Variants in ZFP90 observed in about 807,000 individuals in gnomAD.
The protein encoded by ZFP90 is ZFP90 zinc finger protein.
Under a neutral mutation model 60.8 loss-of-function variants are expected in ZFP90, and 38 were observed. The observed-to-expected ratio is 0.62, with a 90% CI of 0.48 to 0.82. The LOEUF is 0.82. Ranked by LOEUF, ZFP90 falls within the 40% of genes least tolerant of loss-of-function variation. The pLI is 0.00. For missense variants in ZFP90, 711 were observed against 759.1 expected (o/e 0.94, Z 0.74); for synonymous variants, 287 against 264.8 (o/e 1.08, Z -0.82).
At chr16:68,543,381 C>G (rs1421995318) in intron 2 of ZFP90, among the ~76,000 whole-genome samples, 3 of 152,136 alleles carry the variant, frequency 2.0e-5, no homozygotes, top group African/African-American at 7.2e-5. Context: ...TGAGTGGGAC[C>G]TTTCCCCTGA....
chr16:68,561,712 A>T (rs1045892819), intron 4 of ZFP90, among the ~76,000 whole-genome samples: 1 of 152,226 alleles, frequency 6.6e-6, no homozygotes, highest in African/African-American at 2.4e-5. Context: ...GTTAGCAAGA[A>T]AACTTTTCTC....
intron 2 of ZFP90, among the ~76,000 whole-genome samples, chr16:68,540,731 G>A (rs2091028365): frequency 6.7e-6 from 1 of 149,886 alleles, no homozygotes; most frequent in African/African-American, 2.5e-5. Context: ...CAGCACTTTG[G>A]GAAGCTGAGG....
Position 68,566,421 on chromosome 16 carries a change from T to C in ZFP90, c.*1723T>C. The C allele has an allele frequency of 1.0e-6, 1 of 985,592 alleles. No individual in the cohort carries two copies. The highest frequency in any genetic ancestry group is 1.2e-6 in the Non-Finnish European group (1 of 829,930). The allele number at this position is 985,592 out of a possible 1,614,324, so 61.1% of individuals were successfully genotyped here. A position where few individuals can be genotyped will look rare whatever the true frequency, so the allele number is the denominator to read the frequency against. On this transcript the variant is annotated 3_prime_UTR_variant, in exon 5 of 5. Coordinates refer to ENST00000563169, the MANE Select transcript of ZFP90 (RefSeq NM_001305203.2). ...TGGTGAACCTTTCCTACTGGATTCTTTGCATGCCACATAGCAGGATTCATT... is the reference window on the plus strand; with the variant it reads ...TGGTGAACCTTTCCTACTGGATTCTCTGCATGCCACATAGCAGGATTCATT...
Position 68,573,554 on chromosome 16 carries a change from G to A in ZFP90, c.224-2237G>A, listed in dbSNP as rs77038292. ...TGAAAGTAAGCAGAAAATTGTATTTGCTCAGGTTAAGGGATCCTAACATGG... is the reference window on the plus strand; with the variant it reads ...TGAAAGTAAGCAGAAAATTGTATTTACTCAGGTTAAGGGATCCTAACATGG... On this transcript the variant is annotated intron_variant, in intron 2 of 2. Transcript: ENST00000573113. Among the ~76,000 whole-genome samples the A allele has an allele frequency of 5.1e-3, 771 of 152,332 alleles. 4 individuals carry two copies. Among genetic ancestry groups the A allele is most frequent in the African/African-American group, 0.018 (730 of 41,570 alleles).
downstream of ZFP90, among the ~76,000 whole-genome samples, chr16:68,568,598 G>A (rs1331799114): frequency 6.6e-6 from 1 of 152,192 alleles, no homozygotes; most frequent in African/African-American, 2.4e-5. Context: ...CACACACAAA[G>A]ATGTTTATTG....
At chr16:68,535,763 T>G (rs1025433030), upstream of ZFP90, 2 of 152,156 alleles carry the variant, frequency 1.3e-5, no homozygotes, top group African/African-American at 4.8e-5. Context: ...TCTCTAAGTT[T>G]ATTCATTTTG....
chr16:68,534,233 C>CT lies in ZFP90; in HGVS notation c.-36+391dup, dbSNP rs869142804. Among the ~76,000 whole-genome samples, 74 of 141,494 alleles carry CT rather than the reference C, an allele frequency of 5.2e-4. 1 individual carries two copies. The highest frequency in any genetic ancestry group is 1.2e-3 in the East Asian group (6 of 4,872). The allele number at this position is 141,494 out of a possible 152,430, so 92.8% of individuals were successfully genotyped here. On this transcript the variant is annotated intron_variant, in intron 2 of 3. Coordinates refer to the ZFP90 transcript ENST00000569109. Reference sequence around the variant, plus strand: ...TTTAACTTAAAGATTTTCTTTCTTTCTTTTTTTTTTTTTGAGACAGCGTCT... The same window carrying CT: ...TTTAACTTAAAGATTTTCTTTCTTTCTTTTTTTTTTTTTTGAGACAGCGTCT...
intron 2 of ZFP90, among the ~76,000 whole-genome samples, chr16:68,575,294 T>G (rs2091588307): frequency 6.6e-6 from 1 of 152,186 alleles, no homozygotes; most frequent in Admixed American, 6.5e-5. Context: ...GTGTCACAGT[T>G]CATACCCGCA....
At chr16:68,546,544 T>A (rs892538001) in intron 2 of ZFP90, among the ~76,000 whole-genome samples, 1 of 152,262 alleles carries the variant, frequency 6.6e-6, no homozygotes, top group Non-Finnish European at 1.5e-5. Context: ...TAAGACGGAT[T>A]CTTGCTCTGT....
At position 68,563,930 on chromosome 16, in the gene ZFP90, T is replaced by G; in HGVS notation, c.1143T>G (p.Leu381=). ...CGKAFSRCSS[L]VQHERTHTGE... is the part of the protein sequence containing the mutation. ...AAGCCTTTAGTCGATGTTCTTCCCT[T>G]GTCCAACATGAGAGGACTCATACTG... The change falls in exon 5 of 5, where the codon CTT becomes CTG. Residue 381 remains leucine, a synonymous_variant. Coordinates refer to ENST00000563169, the MANE Select transcript of ZFP90 (RefSeq NM_001305203.2). The G allele has an allele frequency of 6.2e-7, 1 of 1,614,082 alleles. No individual in the cohort carries two copies. The highest frequency in any genetic ancestry group is 8.5e-7 in the Non-Finnish European group (1 of 1,179,992).
At chr16:68,556,964 A>T (rs558581355) in intron 2 of ZFP90, among the ~76,000 whole-genome samples, 2 of 152,314 alleles carry the variant, frequency 1.3e-5, no homozygotes, top group South Asian at 4.1e-4. Flanking sequence ...AGCATGCGAC[A>T]GCCTGGTGAG....
chr16:68,566,491 C>T lies in ZFP90; in HGVS notation c.*1793C>T, dbSNP rs977209273. ...TGGCATGCAGCAGCACCCAAGTATT[C>T]TTCATTCTTTGCAGGGAAAAAATTG... On this transcript the variant is annotated 3_prime_UTR_variant, in exon 5 of 5. Transcript: ENST00000563169. 1.6e-5 allele frequency: 16 copies of T among 985,418 alleles called. No individual in the cohort carries two copies. The highest frequency in any genetic ancestry group is 1.9e-5 in the Non-Finnish European group (16 of 829,940). The allele number at this position is 985,418 out of a possible 1,614,324, so 61.0% of individuals were successfully genotyped here.
chr16:68,574,570 G>A (rs1417063934), intron 2 of ZFP90, among the ~76,000 whole-genome samples: 1 of 152,094 alleles, frequency 6.6e-6, no homozygotes, highest in Non-Finnish European at 1.5e-5. Context: ...GGAGAAGCAA[G>A]AAACAATTCC....
rs77688442 is a variant in ZFP90, at chr16:68,547,836, C to CTCT, written c.33+8012_33+8013insCTT. ...GTTTTTCAAAATACAGTTGATCTCT[C>CTCT]TTTTTTTTTTTTTTTTGAGACAGAG... On this transcript the variant is annotated intron_variant, in intron 2 of 4. Transcript: ENST00000563169. 3.2e-3 allele frequency among the ~76,000 whole-genome samples: 435 copies of CTCT among 135,966 alleles called. 11 individuals carry two copies. Among genetic ancestry groups the CTCT allele is most frequent in the East Asian group, 8.4e-3 (40 of 4,744 alleles). The allele number at this position is 135,966 out of a possible 152,430, so 89.2% of individuals were successfully genotyped here. A position where few individuals can be genotyped will look rare whatever the true frequency, so the allele number is the denominator to read the frequency against.
chr16:68,574,079 C>T (rs2091581110), intron 2 of ZFP90: 1 of 152,046 alleles, frequency 6.6e-6, no homozygotes, highest in African/African-American at 2.4e-5. Flanking sequence ...ACATCCTGGA[C>T]CAGGCCCCTC....
chr16:68,538,416 A>G (rs767946122), upstream of ZFP90, among the ~76,000 whole-genome samples: 3 of 152,250 alleles, frequency 2.0e-5, no homozygotes, highest in Non-Finnish European at 2.9e-5. Context: ...AAGTTGACCT[A>G]TCTTTGTGTT....
At chr16:68,546,389 C>G (rs1272360894) in intron 2 of ZFP90, among the ~76,000 whole-genome samples, 1 of 152,178 alleles carries the variant, frequency 6.6e-6, no homozygotes, top group African/African-American at 2.4e-5. Context: ...ACTGAAAACT[C>G]TACAATCCAT....
chr16:68,565,009 C>T lies in ZFP90; in HGVS notation c.*311C>T, dbSNP rs371676450. On this transcript the variant is annotated 3_prime_UTR_variant, in exon 5 of 5. Transcript: ENST00000563169. ...AGTTTCAACATCTTGACTTGTGACC[C>T]CCAATGTCAACAGCTTTTTTAAAAA... 19 of 1,060,506 alleles carry T rather than the reference C, an allele frequency of 1.8e-5. No homozygotes were observed. In the East Asian group the frequency reaches 2.1e-4, roughly 11 times the overall value. The allele number at this position is 1,060,506 out of a possible 1,614,324, so 65.7% of individuals were successfully genotyped here. A position where few individuals can be genotyped will look rare whatever the true frequency, so the allele number is the denominator to read the frequency against.
chr16:68,559,773 C>T (rs2091408300), intron 4 of ZFP90, among the ~76,000 whole-genome samples: 1 of 152,038 alleles, frequency 6.6e-6, no homozygotes, highest in Non-Finnish European at 1.5e-5. Context: ...GAGGTTTCAC[C>T]ATGTTGCCCA....
Sources: gnomAD v4.1 joint callset for allele counts (sites outside exome capture counted in the v4.1 genomes callset) on GRCh38, gnomAD v4.1.1 for gene constraint, MANE v1.5 for transcripts, NCBI Gene and HGNC (gene_info 2026-07-23, HGNC 2026-07-21) for gene names.